Variants in IQANK1 observed in about 807,000 individuals in gnomAD.
The protein encoded by IQANK1 is IQ motif and ankyrin repeat containing 1, also known as IQ motif and ankyrin repeat domain-containing protein 1.
A neutral mutation model predicts 22.6 loss-of-function variants in IQANK1; 30 were observed. That is an observed-to-expected ratio of 1.33 (90% confidence interval 0.99 to 1.80). The LOEUF (loss-of-function observed/expected upper bound fraction) is 1.80, where lower values mean the gene tolerates loss of function less well. IQANK1 is among the 40% of genes most tolerant of loss of function. IQANK1 has a pLI of 0.00. For synonymous variants in IQANK1, 122 were observed against 99.6 expected, an observed-to-expected ratio of 1.23 and a Z score of -1.34; for missense variants, 275 against 235.2, an observed-to-expected ratio of 1.17 and a Z score of -1.11.
intron 8 of IQANK1, 29 bp from the exon 9 acceptor site, chr8:143,789,160 C>T (rs1280097325): frequency 7.5e-6 from 3 of 400,570 alleles, no homozygotes; most frequent in East Asian, 7.1e-5. Flanking sequence ...TGGCGGAAGC[C>T]TCTGTCCCAG....
At position 143,771,071 on chromosome 8, in the gene IQANK1, G is replaced by T. The variant is rs1260477463; in HGVS notation, c.176-417G>T. Among the ~76,000 whole-genome samples, 1 of 152,232 alleles carries T rather than the reference G, an allele frequency of 6.6e-6. No individual in the cohort carries two copies. Reference sequence around the variant, plus strand: ...CTTCTGAGTCCAGCGGGGCTGTGATGAGCCCTCCCAGGCCTGGGGCCCCCC... The same window carrying T: ...CTTCTGAGTCCAGCGGGGCTGTGATTAGCCCTCCCAGGCCTGGGGCCCCCC... On this transcript the variant is annotated intron_variant, in intron 3 of 13. Coordinates refer to ENST00000527139, the MANE Select transcript of IQANK1 (RefSeq NM_001381874.1). The surrounding 1 kb of genome is among the most constrained non-coding windows in gnomAD (Gnocchi z 6.0).
At chr8:143,736,074 G>T (rs1411231320) in intron 2 of IQANK1, 136 bp downstream of exon 2, 1 of 621,046 alleles carries the variant, frequency 1.6e-6, no homozygotes, top group African/African-American at 1.8e-5. Flanking sequence ...CCTCTGAGTT[G>T]GGATTAGGTG....
chr8:143,765,126 C>A (rs373653328), intron 3 of IQANK1, among the ~76,000 whole-genome samples: 169 of 152,192 alleles, frequency 1.1e-3, no homozygotes, highest in African/African-American at 3.9e-3. Flanking sequence ...GAGGCCAAGG[C>A]GGGCAGATCC....
At chr8:143,786,316 A>T (rs987264246) in intron 7 of IQANK1, among the ~76,000 whole-genome samples, 2 of 152,236 alleles carry the variant, frequency 1.3e-5, no homozygotes, top group East Asian at 3.8e-4. Flanking sequence ...TTTGAAGCTA[A>T]GCTGAAGTCA....
intron 3 of IQANK1, among the ~76,000 whole-genome samples, chr8:143,751,652 G>GTATATATATATATATATA (rs1282292064): frequency 6.0e-5 from 2 of 33,324 alleles, no homozygotes; most frequent in African/African-American, 1.2e-4. Flanking sequence ...GTGTGTGTGT[G>GTATATATATATATATATA]TGTGTGTGTG....
chr8:143,787,034 T>A (rs1554631433), intron 7 of IQANK1, among the ~76,000 whole-genome samples: 1 of 152,090 alleles, frequency 6.6e-6, no homozygotes, highest in Non-Finnish European at 1.5e-5. Context: ...GCTTGACGCC[T>A]AGGGGAAACT....
intron 3 of IQANK1, among the ~76,000 whole-genome samples, chr8:143,748,355 G>A (rs1327342893): frequency 3.3e-5 from 5 of 150,214 alleles, no homozygotes; most frequent in African/African-American, 1.2e-4. Flanking sequence ...CCATATGGGG[G>A]CGGGTATTAT....
intron 7 of IQANK1, among the ~76,000 whole-genome samples, chr8:143,787,543 G>C (rs1159411250): frequency 1.3e-5 from 2 of 152,182 alleles, no homozygotes; most frequent in Non-Finnish European, 2.9e-5. Flanking sequence ...CTCGTCTGCT[G>C]TGTCTCCCTC....
chr8:143,769,609 T>C (rs975157461), intron 3 of IQANK1, among the ~76,000 whole-genome samples: 2 of 152,228 alleles, frequency 1.3e-5, no homozygotes, highest in Non-Finnish European at 2.9e-5. Context: ...GTGCTCTAAA[T>C]GCAGGTCTGT....
intron 7 of IQANK1, among the ~76,000 whole-genome samples, chr8:143,773,398 G>T (rs1554630021): frequency 6.6e-6 from 1 of 152,084 alleles, no homozygotes; most frequent in African/African-American, 2.4e-5. Flanking sequence ...GCCCAGGAGT[G>T]GGGTGGGGTG....
chr8:143,751,664 G>GTGTGTGTGTATATATATA (rs370428606), intron 3 of IQANK1, among the ~76,000 whole-genome samples: 2 of 61,550 alleles, frequency 3.2e-5, no homozygotes, highest in African/African-American at 8.8e-5. Context: ...GTGTGTGTGT[G>GTGTGTGTGTATATATATA]TATATATATA....
chr8:143,749,341 A>T (rs1373453602), intron 3 of IQANK1, among the ~76,000 whole-genome samples: 2 of 2,846 alleles, frequency 7.0e-4, no homozygotes, highest in Non-Finnish European at 1.4e-3. Flanking sequence ...TAAAATATAT[A>T]AAAACATAAA....
chr8:143,739,174 C>T lies in IQANK1; in HGVS notation c.86-685C>T, dbSNP rs559786987. 1.8e-4 allele frequency among the ~76,000 whole-genome samples: 28 copies of T among 152,236 alleles called. 1 individual carries two copies. The South Asian group carries it at 5.2e-3, about 28-fold the overall frequency. ...TGGATCAGAGCTGCCTTTGGGTCTC[C>T]AGGCTGGAGGTGGGGGTGCAGGGCT... is the stretch of plus-strand genomic sequence containing the variant. On this transcript the variant is annotated intron_variant, in intron 2 of 13. Coordinates refer to ENST00000527139, the MANE Select transcript of IQANK1 (RefSeq NM_001381874.1).
intron 9 of IQANK1, 66 bp from the exon 10 acceptor site, chr8:143,789,370 G>A: frequency 1.1e-6 from 1 of 898,586 alleles, no homozygotes; most frequent in Non-Finnish European, 1.5e-6. Context: ...AGGCCCCTGG[G>A]CCAGGAGTGA....
rs369073537 is a variant in IQANK1 at position 143,774,482 on chromosome 8, C to T, written c.789+2000C>T. Among the ~76,000 whole-genome samples the T allele has an allele frequency of 1.3e-5, 2 of 152,312 alleles. No homozygotes were observed. Among genetic ancestry groups the T allele is most frequent in the South Asian group, 2.1e-4 (1 of 4,822 alleles). On this transcript the variant is annotated intron_variant, in intron 7 of 13. Coordinates refer to ENST00000527139, the MANE Select transcript of IQANK1 (RefSeq NM_001381874.1). The surrounding 1 kb of genome is among the most constrained non-coding windows in gnomAD (Gnocchi z 4.2). ...ACCACCTCACACCTCCCAGGACAGC[C>T]CAGGTCAAACTAGAGCTGGAGCCGA... is the stretch of plus-strand genomic sequence containing the variant.
rs557429785 is a variant in IQANK1, at chr8:143,789,254, C to T, written c.993+11C>T. The T allele has an allele frequency of 1.6e-4, 63 of 400,572 alleles. No homozygotes were observed. Among genetic ancestry groups the T allele is most frequent in the Admixed American group, 3.5e-4 (8 of 22,720 alleles). The allele number at this position is 400,572 out of a possible 1,614,324, so 24.8% of individuals were successfully genotyped here. A position where few individuals can be genotyped will look rare whatever the true frequency, so the allele number is the denominator to read the frequency against. ...CAGTGTCACAAGGAGGTGAGTGTGA[C>T]CTCAGGGAGGAGCCAGGAAAGGAGG... On this transcript the variant is annotated intron_variant, in intron 9 of 13. Coordinates refer to ENST00000527139, the MANE Select transcript of IQANK1 (RefSeq NM_001381874.1).
intron 3 of IQANK1, among the ~76,000 whole-genome samples, chr8:143,752,674 ATACT>A (rs375954294): frequency 2.2e-4 from 34 of 152,344 alleles, no homozygotes; most frequent in African/African-American, 7.5e-4. Flanking sequence ...AGATACACAA[ATACT>A]TACCATTGTG....
chr8:143,772,404 C>A lies in IQANK1; in HGVS notation c.711C>A (p.His237Gln). ...TGTACCGTGCAGCCTTTGGGGGCCA[C>A]CTGGCAGCTGTGGAGGTGCTCCTGA... ...TPLYRAAFGG[H>Q]LAAVEVLLKL... is the part of the protein sequence containing the mutation. The change falls in exon 7 of 14, where the codon CAC (histidine) becomes CAA (glutamine). Residue 237 changes from histidine to glutamine, a missense_variant. By Grantham distance (24) the His-to-Gln change is conservative. Transcript: ENST00000527139. 2.5e-6 allele frequency: 1 copy of A among 399,470 alleles called. No individual in the cohort carries two copies. The highest frequency in any genetic ancestry group is 4.4e-6 in the Non-Finnish European group (1 of 226,442). The allele number at this position is 399,470 out of a possible 1,614,324, so 24.7% of individuals were successfully genotyped here.
intron 3 of IQANK1, among the ~76,000 whole-genome samples, chr8:143,741,506 A>G (rs938838237): frequency 5.3e-5 from 8 of 152,022 alleles, no homozygotes; most frequent in African/African-American, 1.9e-4. Flanking sequence ...GGGTGCTAGG[A>G]CCGCACAGGT....
Sources: gnomAD v4.1 joint callset for allele counts (sites outside exome capture counted in the v4.1 genomes callset) on GRCh38, gnomAD v4.1.1 for gene constraint, Gnocchi (gnomAD v3.1) non-coding constraint, MANE v1.5 for transcripts, NCBI Gene and HGNC (gene_info 2026-07-23, HGNC 2026-07-21) for gene names.